SLC16A2: variants seen among roughly 807,000 people sequenced by gnomAD.
SLC16A2 encodes the protein monocarboxylate transporter 8.
A neutral mutation model predicts 27.2 loss-of-function variants in SLC16A2; 3 were observed. The ratio of observed to expected loss-of-function variants is 0.11; its 90% CI spans 0.05 to 0.28. The LOEUF (loss-of-function observed/expected upper bound fraction) is 0.28, where lower values mean the gene tolerates loss of function less well. SLC16A2 is among the 10% of genes least tolerant of loss of function. SLC16A2 has a pLI of 1.00. For synonymous variants in SLC16A2, 202 were observed against 187.8 expected (o/e 1.08, Z -0.62); for missense variants, 295 against 458.5 (o/e 0.64, Z 3.26).
intron 1 of SLC16A2, among the ~76,000 whole-genome samples, chrX:74,466,194 C>T (rs1929247155): frequency 1.8e-5 from 2 of 111,377 alleles, no homozygotes; most frequent in Non-Finnish European, 3.8e-5. Flanking sequence ...TAATTTTTTA[C>T]TTTTATTGTC....
At chrX:74,519,295 A>C (rs2147868913) in intron 1 of SLC16A2, among the ~76,000 whole-genome samples, 1 of 107,712 alleles carries the variant, frequency 9.3e-6, no homozygotes, top group African/African-American at 3.4e-5. Flanking sequence ...CTCCTGCCTC[A>C]GCCTCGCTAG....
chrX:74,525,048 C>A (rs1192246688), intron 3 of SLC16A2, among the ~76,000 whole-genome samples: 3 of 111,656 alleles, frequency 2.7e-5, no homozygotes, highest in Non-Finnish European at 5.6e-5. Flanking sequence ...TGGCTTCTCC[C>A]ACAGTAAAAA....
chrX:74,490,712 TTTCTC>T lies in SLC16A2; in HGVS notation c.431-30274_431-30270del, dbSNP rs1435020228. ...TTTTGCCTGGGAGAAGCAAATGTGT[TTTCTC>T]TTCAGAGCTAAGGAAACACAGTTTC... On this transcript the variant is annotated intron_variant, in intron 1 of 5. Coordinates refer to ENST00000587091, the MANE Select transcript of SLC16A2 (RefSeq NM_006517.5). Among the ~76,000 whole-genome samples, 85 of 111,605 alleles carry T rather than the reference TTTCTC, an allele frequency of 7.6e-4. 1 individual carries two copies. Among genetic ancestry groups the T allele is most frequent in the African/African-American group, 2.5e-3 (78 of 30,644 alleles).
chrX:74,452,142 C>A (rs938972844), intron 1 of SLC16A2, among the ~76,000 whole-genome samples: 10 of 112,471 alleles, frequency 8.9e-5, no homozygotes, highest in African/African-American at 3.2e-4. Context: ...ACTGGACATG[C>A]ATGGAGGCTG....
intron 1 of SLC16A2, among the ~76,000 whole-genome samples, chrX:74,496,967 G>C (rs751582107): frequency 1.8e-5 from 2 of 111,504 alleles, no homozygotes; most frequent in South Asian, 7.8e-4. Context: ...AGCTGCCCCT[G>C]TGTTCCTCCA....
chrX:74,528,648 G>C (rs764310824), intron 4 of SLC16A2, among the ~76,000 whole-genome samples: 27 of 111,682 alleles, frequency 2.4e-4, no homozygotes, highest in Admixed American at 2.2e-3. Context: ...AGGAACCTGG[G>C]TGAATGTCCC....
chrX:74,455,801 C>T (rs1569287735), intron 1 of SLC16A2, among the ~76,000 whole-genome samples: 1 of 111,742 alleles, frequency 8.9e-6, no homozygotes, highest in East Asian at 2.8e-4. Flanking sequence ...AGTGGCAAGA[C>T]AAGGCTTTGG....
chrX:74,422,210 G>A, intron 1 of SLC16A2, 143 bp downstream of exon 1: 1 of 636,462 alleles, frequency 1.6e-6, no homozygotes, highest in Non-Finnish European at 2.5e-6. Context: ...CTTGCCCCTT[G>A]CCCCTTTCCA....
intron 1 of SLC16A2, among the ~76,000 whole-genome samples, chrX:74,447,831 C>A (rs922977813): frequency 9.1e-6 from 1 of 110,087 alleles, no homozygotes; most frequent in African/African-American, 3.3e-5. Context: ...ACTAAAAATG[C>A]AAAAATTAGC....
At chrX:74,492,668 C>T (rs771617197) in intron 1 of SLC16A2, among the ~76,000 whole-genome samples, 8 of 111,189 alleles carry the variant, frequency 7.2e-5, no homozygotes, top group Admixed American at 6.7e-4. Context: ...TTCATTACTG[C>T]TCTAATCAGC....
intron 1 of SLC16A2, among the ~76,000 whole-genome samples, chrX:74,513,888 A>G (rs1434010929): frequency 8.9e-6 from 1 of 112,230 alleles, no homozygotes; most frequent in Admixed American, 9.5e-5. Context: ...GTCAAATACC[A>G]TATGTCACTC....
intron 1 of SLC16A2, among the ~76,000 whole-genome samples, chrX:74,506,925 ATTTATTTATTTAT>A (rs1238846204): frequency 2.0e-4 from 6 of 29,735 alleles, no homozygotes; most frequent in African/African-American, 3.7e-4. Flanking sequence ...TTATTTATTT[ATTTATTTATTTAT>A]TTTTTTTTTT....
At chrX:74,511,027 T>G (rs55796022) in intron 1 of SLC16A2, among the ~76,000 whole-genome samples, 3 of 110,568 alleles carry the variant, frequency 2.7e-5, no homozygotes, top group African/African-American at 9.9e-5. Context: ...GCCATGATTG[T>G]GCCACTGCAC....
At chrX:74,429,254 G>C (rs1928483640) in intron 1 of SLC16A2, among the ~76,000 whole-genome samples, 1 of 111,506 alleles carries the variant, frequency 9.0e-6, no homozygotes, top group Non-Finnish European at 1.9e-5. Flanking sequence ...GATCACTTGA[G>C]CACAGGAGTT....
chrX:74,492,923 A>G lies in SLC16A2; in HGVS notation c.431-28067A>G, dbSNP rs1473925947. Among the ~76,000 whole-genome samples, 22 of 112,062 alleles carry G rather than the reference A, an allele frequency of 2.0e-4. No homozygotes were observed. The Admixed American group carries it at 2.1e-3, about 11-fold the overall frequency. On this transcript the variant is annotated intron_variant, in intron 1 of 5. Coordinates refer to ENST00000587091, the MANE Select transcript of SLC16A2 (RefSeq NM_006517.5). ...CAGGAGCCACAAAGATGCTGCAGAAAGAGGGGGCTGTCTGGGCCCTGCTCT... is the reference window on the plus strand; with the variant it reads ...CAGGAGCCACAAAGATGCTGCAGAAGGAGGGGGCTGTCTGGGCCCTGCTCT...
chrX:74,501,346 G>A, intron 1 of SLC16A2, among the ~76,000 whole-genome samples: 1 of 111,263 alleles, frequency 9.0e-6, no homozygotes. Context: ...GCCTCTACTT[G>A]TGCCCCAATG....
At chrX:74,493,994 G>T (rs1056007176) in intron 1 of SLC16A2, among the ~76,000 whole-genome samples, 15 of 111,524 alleles carry the variant, frequency 1.3e-4, no homozygotes, top group South Asian at 7.6e-4. Flanking sequence ...CAAGAAAAGA[G>T]CTTCTGGTCT....
intron 1 of SLC16A2, among the ~76,000 whole-genome samples, chrX:74,517,286 T>A (rs914167069): frequency 3.2e-4 from 36 of 112,126 alleles, no homozygotes; most frequent in African/African-American, 5.2e-4. Flanking sequence ...AATTTTTTTT[T>A]AAATGAAATA....
chrX:74,474,707 C>A (rs1401347631), intron 1 of SLC16A2, among the ~76,000 whole-genome samples: 2 of 110,571 alleles, frequency 1.8e-5, no homozygotes, highest in Admixed American at 1.9e-4. Flanking sequence ...TCAATTCCCA[C>A]CTACGAGTGA....
Sources: allele counts gnomAD v4.1 joint callset (sites outside exome capture counted in the v4.1 genomes callset), GRCh38; gene constraint gnomAD v4.1.1; transcripts MANE v1.5; gene names NCBI Gene and HGNC (gene_info 2026-07-23, HGNC 2026-07-21).